The following RIF1 variants were observed in gnomAD, a reference collection of about 807,000 sequenced individuals.
The protein encoded by RIF1 is telomere-associated protein RIF1.
RIF1 carries 45 observed loss-of-function variants against 247.1 expected under a neutral mutation model. That is an observed-to-expected ratio of 0.18 (90% confidence interval 0.14 to 0.23). The LOEUF is 0.23. RIF1 is among the 10% of genes least tolerant of loss of function. RIF1 has a pLI of 1.00. For synonymous variants in RIF1, 1,087 were observed against 978.8 expected (o/e 1.11, Z -2.06); for missense variants, 2,967 against 2,862.5 (o/e 1.04, Z -0.83).
At chr2:151,437,439 C>T (rs974373731) in intron 13 of RIF1, 88 bp downstream of exon 13, 1 of 1,027,422 alleles carries the variant, frequency 9.7e-7, no homozygotes, top group African/African-American at 1.6e-5. Flanking sequence ...ACCTGTAATC[C>T]CAGCACTTTG....
chr2:151,530,454 A>T, the RIF1 span, among the ~76,000 whole-genome samples: 1 of 152,204 alleles, frequency 6.6e-6, no homozygotes, highest in Non-Finnish European at 1.5e-5. Context: ...ACTAAGGCCA[A>T]AGTAAACTGT....
chr2:151,431,393 C>T (rs1690102639), intron 9 of RIF1, among the ~76,000 whole-genome samples: 1 of 152,194 alleles, frequency 6.6e-6, no homozygotes, highest in Admixed American at 6.5e-5. Flanking sequence ...ATTGGGCACC[C>T]ATCACTGTCC....
At chr2:151,505,803 C>A in intron 12 of RIF1, 1 of 562,444 alleles carries the variant, frequency 1.8e-6, no homozygotes, top group Non-Finnish European at 3.2e-6. Flanking sequence ...GGGATGGGGG[C>A]CCCTATTTAG....
At chr2:151,491,513 CTAGAAAGT>C in intron 9 of RIF1, 1 of 564,546 alleles carries the variant, frequency 1.8e-6, no homozygotes, top group South Asian at 2.2e-5. Flanking sequence ...TTGAACTTAT[CTAGAAAGT>C]AAGTTTTGCT....
the RIF1 span, chr2:151,534,108 A>G: frequency 8.4e-6 from 7 of 832,268 alleles, no homozygotes; most frequent in Middle Eastern, 3.3e-4. Context: ...GAACAACCCA[A>G]TATCATAGGC....
chr2:151,446,091 C>T (rs961847569), intron 19 of RIF1, among the ~76,000 whole-genome samples: 15 of 152,102 alleles, frequency 9.9e-5, no homozygotes, highest in African/African-American at 3.4e-4. Context: ...ACTGCAACCT[C>T]TACCTCCTGG....
At chr2:151,415,493 C>T (rs1444729371) in intron 4 of RIF1, among the ~76,000 whole-genome samples, 1 of 142,628 alleles carries the variant, frequency 7.0e-6, no homozygotes, top group Non-Finnish European at 1.5e-5. Flanking sequence ...GCTGGGGAGG[C>T]TGAGGCAGGA....
intron 30 of RIF1, among the ~76,000 whole-genome samples, chr2:151,466,599 A>G (rs1696934764): frequency 6.6e-6 from 1 of 152,084 alleles, no homozygotes; most frequent in African/African-American, 2.4e-5. Context: ...GATCTTATTT[A>G]GTTATTTATA....
At chr2:151,453,464 C>G (rs1208467115) in intron 21 of RIF1, among the ~76,000 whole-genome samples, 1 of 150,686 alleles carries the variant, frequency 6.6e-6, no homozygotes, top group Admixed American at 6.7e-5. Flanking sequence ...GTAGTCCCAG[C>G]TACTTGGGAA....
At chr2:151,492,330 T>A (rs766362495) in intron 9 of RIF1, 4 of 1,594,298 alleles carry the variant, frequency 2.5e-6, no homozygotes, top group Non-Finnish European at 3.4e-6. Context: ...TGTGACTATA[T>A]CCCTTTTTAC....
At chr2:151,487,766 C>T (rs1257134081) in intron 9 of RIF1, among the ~76,000 whole-genome samples, 1 of 151,474 alleles carries the variant, frequency 6.6e-6, no homozygotes, top group Non-Finnish European at 1.5e-5. Flanking sequence ...TACATACACA[C>T]ATATATATAT....
intron 34 of RIF1, among the ~76,000 whole-genome samples, chr2:151,473,631 G>C (rs1449820551): frequency 3.9e-5 from 6 of 151,962 alleles, no homozygotes; most frequent in African/African-American, 1.5e-4. Context: ...TTTAAGCTTG[G>C]AAATCTCTGG....
chr2:151,513,674 A>G, the RIF1 span: 1 of 1,604,126 alleles, frequency 6.2e-7, no homozygotes, highest in Non-Finnish European at 8.5e-7. Context: ...TTCCAGTTCC[A>G]GGTCTCGCTT....
intron 9 of RIF1, among the ~76,000 whole-genome samples, chr2:151,488,478 CAA>C (rs567755362): frequency 1.5e-3 from 146 of 95,702 alleles, no homozygotes; most frequent in African/African-American, 3.9e-3. Context: ...GAGCCTCTAC[CAA>C]AAAAAAAAAA....
At chr2:151,460,622 G>A (rs1349797135) in intron 26 of RIF1, among the ~76,000 whole-genome samples, 1 of 152,122 alleles carries the variant, frequency 6.6e-6, no homozygotes, top group Non-Finnish European at 1.5e-5. Context: ...CTAGAATCTT[G>A]AGACCATGGC....
intron 7 of RIF1, among the ~76,000 whole-genome samples, chr2:151,421,823 T>TA (rs1202603845): frequency 6.6e-6 from 1 of 152,104 alleles, no homozygotes; most frequent in African/African-American, 2.4e-5. Context: ...AATTCAATTT[T>TA]AGTGACATAT....
At position 151,468,508 on chromosome 2, in the gene RIF1, C is replaced by T. The variant is rs1199003927; in HGVS notation, c.6782C>T (p.Pro2261Leu). The stretch of plus-strand genomic sequence containing the variant: ...ACTTCAGCCAAAGGATTTCTGTCCC[C>T]AGGATCACGTAGCCCTAAATTTAAG... ...NTTSAKGFLS[P>L]GSRSPKFKSS... Residue 2261 changes from proline to leucine, a missense_variant, in exon 32 of 36, where the codon CCA becomes CTA. Physicochemically the swap from Pro to Leu is moderately conservative, Grantham distance 98. Transcript: ENST00000444746. The T allele has an allele frequency of 1.2e-6, 2 of 1,613,682 alleles. No homozygotes were observed. The highest frequency in any genetic ancestry group is 1.3e-5 in the African/African-American group (1 of 75,016).
At chr2:151,492,035 T>G in intron 9 of RIF1, 1 of 1,514,718 alleles carries the variant, frequency 6.6e-7, no homozygotes, top group African/African-American at 1.4e-5. Flanking sequence ...TAGGTAATGC[T>G]ACTTTTGTTC....
At chr2:151,497,594 T>C in intron 10 of RIF1, 1 of 1,544,604 alleles carries the variant, frequency 6.5e-7, no homozygotes, top group Non-Finnish European at 8.8e-7. Flanking sequence ...AATCATTAAA[T>C]AAGTAGTTTT....
Sources: gnomAD v4.1 joint callset for allele counts (sites outside exome capture counted in the v4.1 genomes callset) on GRCh38, gnomAD v4.1.1 for gene constraint, MANE v1.5 for transcripts, NCBI Gene and HGNC (gene_info 2026-07-23, HGNC 2026-07-21) for gene names.